WDR70: variants seen among roughly 807,000 people sequenced by gnomAD.
WDR70 encodes WD repeat domain 70.
WDR70 carries 53 observed loss-of-function variants against 88.6 expected under a neutral mutation model. The ratio of observed to expected loss-of-function variants is 0.60; its 90% confidence interval spans 0.48 to 0.75. WDR70 has a LOEUF of 0.75. WDR70 is among the 30% of genes least tolerant of loss of function. WDR70 has a pLI of 0.00. For synonymous variants in WDR70, 280 were observed against 270.0 expected, an observed-to-expected ratio of 1.04 and a Z score of -0.36; for missense variants, 610 against 823.2, an observed-to-expected ratio of 0.74 and a Z score of 3.17.
chr5:37,420,299 C>T (rs1023011550), intron 5 of WDR70, among the ~76,000 whole-genome samples: 9 of 152,188 alleles, frequency 5.9e-5, no homozygotes, highest in African/African-American at 1.9e-4. Flanking sequence ...TGAAGACAGC[C>T]AGAGGAACAG....
chr5:37,477,701 G>A (rs1056164405), intron 7 of WDR70, among the ~76,000 whole-genome samples: 3 of 152,164 alleles, frequency 2.0e-5, no homozygotes, highest in Non-Finnish European at 2.9e-5. Context: ...GACACAAAAA[G>A]CTTCATACTT....
At chr5:37,728,479 C>T (rs1415949089) in intron 17 of WDR70, among the ~76,000 whole-genome samples, 1 of 151,886 alleles carries the variant, frequency 6.6e-6, no homozygotes, top group South Asian at 2.1e-4. Flanking sequence ...CCCATCATAA[C>T]AGTTACCTTT....
At chr5:37,485,875 T>A (rs1489155328) in intron 8 of WDR70, among the ~76,000 whole-genome samples, 1 of 139,156 alleles carries the variant, frequency 7.2e-6, no homozygotes, top group Non-Finnish European at 1.6e-5. Context: ...TTTTTTTTTT[T>A]TTTTTTTTTT....
At chr5:37,520,582 T>A (rs1353845621) in intron 9 of WDR70, among the ~76,000 whole-genome samples, 1 of 152,150 alleles carries the variant, frequency 6.6e-6, no homozygotes, top group Non-Finnish European at 1.5e-5. Flanking sequence ...AAATTAATAA[T>A]ATAGCATGAC....
chr5:37,653,465 G>C (rs1745462163), intron 10 of WDR70, among the ~76,000 whole-genome samples: 1 of 152,180 alleles, frequency 6.6e-6, no homozygotes, highest in Admixed American at 6.5e-5. Context: ...AAATGAGTTA[G>C]GGAGGAGTCC....
rs59975130 is a variant in WDR70, at chr5:37,690,609, A to C, written c.1093-7046A>C. 7.5e-3 allele frequency among the ~76,000 whole-genome samples: 1,145 copies of C among 152,334 alleles called. 18 individuals carry two copies. The highest frequency in any genetic ancestry group is 0.026 in the African/African-American group (1,078 of 41,566). On this transcript the variant is annotated intron_variant, in intron 10 of 17. Coordinates refer to ENST00000265107, the MANE Select transcript of WDR70 (RefSeq NM_018034.4). Reference sequence around the variant, plus strand: ...CCAGAATTTCATATCCAGCCAAACTAAGCTTCATAAGCGGAGGAGAACTAA... The same window carrying C: ...CCAGAATTTCATATCCAGCCAAACTCAGCTTCATAAGCGGAGGAGAACTAA...
chr5:37,416,206 T>C (rs905467152), intron 5 of WDR70, among the ~76,000 whole-genome samples: 12 of 152,264 alleles, frequency 7.9e-5, no homozygotes, highest in African/African-American at 2.4e-4. Context: ...GCCACTGCAC[T>C]CCAGCCTGGG....
At chr5:37,738,480 G>C (rs529238233) in intron 17 of WDR70, among the ~76,000 whole-genome samples, 85 of 152,292 alleles carry the variant, frequency 5.6e-4, no homozygotes, top group African/African-American at 2.0e-3. Context: ...CAGTGAAGAC[G>C]ACTTCACTCT....
chr5:37,622,950 T>C (rs1744557351), intron 10 of WDR70, among the ~76,000 whole-genome samples: 1 of 152,034 alleles, frequency 6.6e-6, no homozygotes, highest in Non-Finnish European at 1.5e-5. Flanking sequence ...TGATTCTAAA[T>C]AGAATATAGC....
intron 10 of WDR70, among the ~76,000 whole-genome samples, chr5:37,694,669 G>A (rs117843353): frequency 0.06 from 9,104 of 152,008 alleles, 332 homozygotes; most frequent in South Asian, 0.12. Flanking sequence ...ACACAGGGCG[G>A]GGAACATCAC....
At chr5:37,487,713 C>T (rs1271644793) in intron 8 of WDR70, among the ~76,000 whole-genome samples, 2 of 149,472 alleles carry the variant, frequency 1.3e-5, no homozygotes, top group Admixed American at 1.3e-4. Context: ...GCAATCTCCT[C>T]CTCCCGGGTA....
intron 9 of WDR70, among the ~76,000 whole-genome samples, chr5:37,564,733 C>T (rs962770548): frequency 6.6e-6 from 1 of 151,968 alleles, no homozygotes; most frequent in Non-Finnish European, 1.5e-5. Flanking sequence ...TGTGAGACTC[C>T]CCTTGGTATG....
At chr5:37,545,619 G>A (rs1268339676) in intron 9 of WDR70, among the ~76,000 whole-genome samples, 1 of 151,286 alleles carries the variant, frequency 6.6e-6, no homozygotes, top group East Asian at 1.9e-4. Context: ...TGCAACCTCC[G>A]CCTCCCGGCT....
At chr5:37,744,798 C>T (rs1369063570) in intron 17 of WDR70, among the ~76,000 whole-genome samples, 1 of 151,802 alleles carries the variant, frequency 6.6e-6, no homozygotes, top group East Asian at 1.9e-4. Context: ...AAAAAACGAA[C>T]CTATGATTGA....
chr5:37,701,987 T>C (rs1420412354), intron 12 of WDR70, among the ~76,000 whole-genome samples: 2 of 152,156 alleles, frequency 1.3e-5, no homozygotes, highest in Non-Finnish European at 2.9e-5. Flanking sequence ...CCTGAAACTT[T>C]TAAAGGTTTT....
At chr5:37,408,051 GTTTGCAGGTC>G (rs1285532173) in intron 5 of WDR70, among the ~76,000 whole-genome samples, 1 of 152,152 alleles carries the variant, frequency 6.6e-6, no homozygotes, top group East Asian at 1.9e-4. Flanking sequence ...AATAGAACTA[GTTTGCAGGTC>G]CAGGATATCT....
At chr5:37,507,296 T>C (rs1010344998) in intron 8 of WDR70, among the ~76,000 whole-genome samples, 1 of 152,222 alleles carries the variant, frequency 6.6e-6, no homozygotes, top group Non-Finnish European at 1.5e-5. Flanking sequence ...ACAGAGAATA[T>C]GTAATCAAGT....
chr5:37,464,072 C>T (rs1307311104), intron 7 of WDR70, among the ~76,000 whole-genome samples: 4 of 152,168 alleles, frequency 2.6e-5, no homozygotes, highest in African/African-American at 9.7e-5. Flanking sequence ...GAAATGGAGC[C>T]ATTGACTGTT....
rs138471082 is a variant in WDR70 at position 37,688,768 on chromosome 5, C to A, written c.1093-8887C>A. Reference sequence around the variant, plus strand: ...GGTCTGCAGCTCCCAGTGTGATCGACGCAGAAGATAAGTGATTTCTGCATT... The same window carrying A: ...GGTCTGCAGCTCCCAGTGTGATCGAAGCAGAAGATAAGTGATTTCTGCATT... On this transcript the variant is annotated intron_variant, in intron 10 of 17. Coordinates refer to ENST00000265107, the MANE Select transcript of WDR70 (RefSeq NM_018034.4). Among the ~76,000 whole-genome samples the A allele has an allele frequency of 5.0e-4, 68 of 135,948 alleles. 1 individual carries two copies. Among genetic ancestry groups the A allele is most frequent in the African/African-American group, 1.6e-3 (62 of 39,496 alleles). The allele number at this position is 135,948 out of a possible 152,430, so 89.2% of individuals were successfully genotyped here. A position where few individuals can be genotyped will look rare whatever the true frequency, so the allele number is the denominator to read the frequency against.
Sources: allele counts gnomAD v4.1 joint callset (sites outside exome capture counted in the v4.1 genomes callset), GRCh38; gene constraint gnomAD v4.1.1; transcripts MANE v1.5; gene names NCBI Gene and HGNC (gene_info 2026-07-23, HGNC 2026-07-21).